Variants in BCAR3 observed in about 807,000 individuals in gnomAD.
BCAR3 encodes breast cancer anti-estrogen resistance protein 3.
A neutral mutation model predicts 80.1 loss-of-function variants in BCAR3; 37 were observed. That is an observed-to-expected ratio of 0.46 (90% CI 0.36 to 0.61). BCAR3 has a LOEUF of 0.61. Among genes scored for constraint, BCAR3 ranks in the 20% least tolerant of loss-of-function variants. The pLI is 0.00. For missense variants in BCAR3, 978 were observed against 1,068.2 expected, an observed-to-expected ratio of 0.92 and a Z score of 1.18; for synonymous variants, 389 against 418.9, an observed-to-expected ratio of 0.93 and a Z score of 0.87.
In BCAR3 at chr1:93,830,310, A is replaced by T. The variant is rs956438328; in HGVS notation, c.-63+15257T>A. ...ACCCTGTCTCTACTAAAAATACAAA[A>T]ATTAGCTGGGCGTGGTGGCACACGT... On this transcript the variant is annotated intron_variant, in intron 2 of 13. Coordinates refer to the BCAR3 transcript ENST00000370244. Among the ~76,000 whole-genome samples, 34 of 152,110 alleles carry T rather than the reference A, an allele frequency of 2.2e-4. 1 individual carries two copies. The highest frequency in any genetic ancestry group is 8.0e-4 in the African/African-American group (33 of 41,412).
intron 2 of BCAR3, among the ~76,000 whole-genome samples, chr1:93,838,729 T>C (rs1240627008): frequency 6.6e-6 from 1 of 152,122 alleles, no homozygotes; most frequent in Non-Finnish European, 1.5e-5. Context: ...CAGAAGTAAA[T>C]AATTTGCATT....
intron 2 of BCAR3, among the ~76,000 whole-genome samples, chr1:93,842,091 G>A (rs151177009): frequency 3.1e-4 from 47 of 151,038 alleles, no homozygotes; most frequent in Non-Finnish European, 5.4e-4. Flanking sequence ...CACCACACCT[G>A]CACCTCACTT....
intron 2 of BCAR3, among the ~76,000 whole-genome samples, chr1:93,771,120 C>T (rs1652345569): frequency 6.6e-6 from 1 of 152,138 alleles, no homozygotes; most frequent in African/African-American, 2.4e-5. Context: ...CTCATTTTAT[C>T]CTTATAACAA....
chr1:93,845,503 A>AT (rs1571168386), intron 2 of BCAR3: 2 of 4,782 alleles, frequency 4.2e-4, no homozygotes, highest in South Asian at 7.2e-3. Flanking sequence ...TATATATATA[A>AT]AACTTTGTTT....
chr1:93,637,374 C>T (rs986712207), intron 3 of BCAR3, among the ~76,000 whole-genome samples: 17 of 152,016 alleles, frequency 1.1e-4, no homozygotes, highest in Admixed American at 5.9e-4. Context: ...AGGCTGGTCT[C>T]GAACTCCTGA....
chr1:93,770,284 G>A (rs1173315256), intron 2 of BCAR3, among the ~76,000 whole-genome samples: 2 of 152,164 alleles, frequency 1.3e-5, no homozygotes, highest in Non-Finnish European at 2.9e-5. Flanking sequence ...CAGAAAGGAG[G>A]TACAGCATCA....
Position 93,589,418 on chromosome 1 carries a change from A to C in BCAR3, c.488T>G (p.Val163Gly). 1.2e-6 allele frequency: 2 copies of C among 1,606,808 alleles called. No individual in the cohort carries two copies. The highest frequency in any genetic ancestry group is 1.7e-6 in the Non-Finnish European group (2 of 1,178,304). The change falls in exon 5 of 12, where the codon GTG (valine) becomes GGG (glycine). Residue 163 changes from valine to glycine, a missense_variant and splice_region_variant. Physicochemically the swap from Val to Gly is moderately radical, Grantham distance 109. Transcript: ENST00000260502. ...ATCTCGCTGCACAAGGTTTTCAGAC[A>C]CCTTTGGGACAAAAAGGTGAGTGAG... Reference protein sequence around the residue: ...AWYHGRIPRQVSENLVQRDGD... With the variant: ...AWYHGRIPRQGSENLVQRDGD...
intron 2 of BCAR3, among the ~76,000 whole-genome samples, chr1:93,813,849 A>G (rs1246693202): frequency 6.6e-6 from 1 of 152,234 alleles, no homozygotes; most frequent in East Asian, 1.9e-4. Context: ...CCAATGAAAG[A>G]TCAATCATTT....
chr1:93,613,967 T>G, intron 3 of BCAR3: 2 of 1,549,730 alleles, frequency 1.3e-6, no homozygotes, highest in Non-Finnish European at 8.7e-7. Flanking sequence ...CACACTTTCT[T>G]TAGGGTTAAA....
chr1:93,811,603 C>T (rs1653848034), intron 2 of BCAR3, among the ~76,000 whole-genome samples: 1 of 152,214 alleles, frequency 6.6e-6, no homozygotes, highest in African/African-American at 2.4e-5. Flanking sequence ...AACCTATCCG[C>T]CATTTTCCAT....
At chr1:93,593,245 C>G (rs1355410182) in intron 3 of BCAR3, among the ~76,000 whole-genome samples, 1 of 152,216 alleles carries the variant, frequency 6.6e-6, no homozygotes, top group African/African-American at 2.4e-5. Flanking sequence ...CTGAAAGTCC[C>G]ATGAACAGAA....
intron 2 of BCAR3, among the ~76,000 whole-genome samples, chr1:93,718,994 G>A (rs558800534): frequency 5.5e-4 from 84 of 151,860 alleles, no homozygotes; most frequent in Non-Finnish European, 9.1e-4. Context: ...GAGCCATGAC[G>A]CCCAGCTGAA....
chr1:93,751,622 A>C (rs1031977340), intron 2 of BCAR3, among the ~76,000 whole-genome samples: 8 of 152,226 alleles, frequency 5.3e-5, no homozygotes, highest in African/African-American at 1.9e-4. Context: ...TCTAAACTGC[A>C]GGGAGAAAAT....
intron 3 of BCAR3, among the ~76,000 whole-genome samples, chr1:93,639,944 T>G (rs974139783): frequency 2.0e-5 from 3 of 152,150 alleles, no homozygotes; most frequent in African/African-American, 7.2e-5. Flanking sequence ...GATCCTAAAA[T>G]TTGGCTTCTT....
intron 3 of BCAR3, among the ~76,000 whole-genome samples, chr1:93,690,244 A>G (rs752719794): frequency 7.2e-5 from 11 of 152,242 alleles, no homozygotes; most frequent in Non-Finnish European, 1.2e-4. Flanking sequence ...CGAGAAGTGA[A>G]GCTGACTGGT....
chr1:93,586,488 G>A lies in BCAR3; in HGVS notation c.930-2367C>T, dbSNP rs1673948473. Among the ~76,000 whole-genome samples, 1 of 149,780 alleles carries A rather than the reference G, an allele frequency of 6.7e-6. No individual in the cohort carries two copies. The highest frequency in any genetic ancestry group is 1.5e-5 in the Non-Finnish European group (1 of 67,510). Reference sequence around the variant, plus strand: ...AGGCTGCTTCCAAATCTTAGCTATTGTAAACAGTGCTGCAACAAACATTGG... The same window carrying A: ...AGGCTGCTTCCAAATCTTAGCTATTATAAACAGTGCTGCAACAAACATTGG... On this transcript the variant is annotated intron_variant, in intron 5 of 11. Transcript: ENST00000260502. This position sits in a 1 kb window ranked among gnomAD's most constrained non-coding sequence, Gnocchi z 4.2.
chr1:93,592,617 C>T lies in BCAR3; in HGVS notation c.358-224G>A, dbSNP rs1410437154. The T allele has an allele frequency of 1.2e-5, 6 of 481,516 alleles. No individual in the cohort carries two copies. In the East Asian group the frequency reaches 2.6e-4, roughly 21 times the overall value. The allele number at this position is 481,516 out of a possible 1,614,324, so 29.8% of individuals were successfully genotyped here. ...ACATGGGGACTATGGTAGGAGAGTC[C>T]ACCAAGAGGTTCCTTTTACCAGTCT... is the stretch of plus-strand genomic sequence containing the variant. On this transcript the variant is annotated intron_variant, in intron 3 of 11. Coordinates refer to ENST00000260502, the MANE Select transcript of BCAR3 (RefSeq NM_003567.4). This position sits in a 1 kb window ranked among gnomAD's most constrained non-coding sequence, Gnocchi z 4.8.
chr1:93,749,217 A>G (rs2100706089), intron 2 of BCAR3, among the ~76,000 whole-genome samples: 1 of 152,198 alleles, frequency 6.6e-6, no homozygotes, highest in African/African-American at 2.4e-5. Context: ...AATGAAGAAC[A>G]TACTTGGGTT....
At position 93,592,398 on chromosome 1, in the gene BCAR3, AAC is replaced by A. The variant is rs772156531; in HGVS notation, c.358-7_358-6del. 25 of 1,591,982 alleles carry A rather than the reference AAC, an allele frequency of 1.6e-5. No individual in the cohort carries two copies. In the African/African-American group the frequency reaches 3.2e-4, roughly 21 times the overall value. On this transcript the variant is annotated splice_polypyrimidine_tract_variant and splice_region_variant and intron_variant, in intron 3 of 11. Coordinates refer to ENST00000260502, the MANE Select transcript of BCAR3 (RefSeq NM_003567.4). The surrounding 1 kb of genome is among the most constrained non-coding windows in gnomAD (Gnocchi z 4.8). Reference sequence around the variant, plus strand: ...GATGTGCCTCTCCTTGGAGAACTGCAACACAGAGTCAACCATGAGCTCACCCT... The same window carrying A: ...GATGTGCCTCTCCTTGGAGAACTGCAACAGAGTCAACCATGAGCTCACCCT...
Sources: allele counts gnomAD v4.1 joint callset (sites outside exome capture counted in the v4.1 genomes callset), GRCh38; gene constraint gnomAD v4.1.1; non-coding constraint Gnocchi (gnomAD v3.1); transcripts MANE v1.5; gene names NCBI Gene and HGNC (gene_info 2026-07-23, HGNC 2026-07-21).